RBFOX1: variants seen among roughly 807,000 people sequenced by gnomAD.
RBFOX1 encodes RNA binding protein fox-1 homolog 1.
RBFOX1 carries 8 observed loss-of-function variants against 57.7 expected under a neutral mutation model. That is an observed-to-expected ratio of 0.14 (90% confidence interval 0.08 to 0.25). The LOEUF (loss-of-function observed/expected upper bound fraction) is 0.25, where lower values mean the gene tolerates loss of function less well. Ranked by LOEUF, RBFOX1 falls within the 10% of genes least tolerant of loss-of-function variation. RBFOX1 has a pLI of 1.00. For missense variants in RBFOX1, 611 were observed against 548.5 expected, an observed-to-expected ratio of 1.11 and a Z score of -1.14; for synonymous variants, 326 against 222.4, an observed-to-expected ratio of 1.47 and a Z score of -4.15.
At chr16:6,127,613 C>G (rs1409442049) in intron 1 of RBFOX1, among the ~76,000 whole-genome samples, 4 of 152,160 alleles carry the variant, frequency 2.6e-5, no homozygotes, top group Non-Finnish European at 4.4e-5. Context: ...TCAAATAATT[C>G]TGTTCTCCAG....
At position 7,134,138 on chromosome 16, in the gene RBFOX1, A is replaced by C. The variant is rs113479453; in HGVS notation, c.27+82040A>C. Among the ~76,000 whole-genome samples the C allele has an allele frequency of 3.5e-3, 533 of 152,330 alleles. 4 individuals are homozygous for C. The highest frequency in any genetic ancestry group is 0.011 in the African/African-American group (472 of 41,580). The stretch of plus-strand genomic sequence containing the variant: ...CCTGCAAATACAATAGCGATCATAA[A>C]AACGGTGGTCAGCAGAGAGGGGTGT... On this transcript the variant is annotated intron_variant, in intron 4 of 15. Transcript: ENST00000550418.
chr16:5,331,473 G>C (rs1180318047), intron 1 of RBFOX1, among the ~76,000 whole-genome samples: 2 of 152,220 alleles, frequency 1.3e-5, no homozygotes, highest in Non-Finnish European at 2.9e-5. Flanking sequence ...TGGGTGGTTT[G>C]TTTTATGTCT....
chr16:6,114,159 T>A (rs967215254), intron 1 of RBFOX1, among the ~76,000 whole-genome samples: 1 of 152,242 alleles, frequency 6.6e-6, no homozygotes, highest in Non-Finnish European at 1.5e-5. Flanking sequence ...CAGAATGATC[T>A]GATTTTAGCA....
At chr16:7,105,968 C>G (rs1305622707) in intron 4 of RBFOX1, among the ~76,000 whole-genome samples, 2 of 152,126 alleles carry the variant, frequency 1.3e-5, no homozygotes, top group African/African-American at 4.8e-5. Flanking sequence ...TTTGTCTGTG[C>G]TAATGACAAC....
intron 4 of RBFOX1, among the ~76,000 whole-genome samples, chr16:7,425,349 C>A (rs948057307): frequency 2.0e-5 from 3 of 152,138 alleles, no homozygotes; most frequent in South Asian, 4.1e-4. Context: ...TTGACTTTTA[C>A]CTACGAGTTA....
At chr16:6,806,135 T>G (rs2086709446) in intron 3 of RBFOX1, among the ~76,000 whole-genome samples, 1 of 151,936 alleles carries the variant, frequency 6.6e-6, no homozygotes, top group African/African-American at 2.4e-5. Flanking sequence ...TGATTTAGAG[T>G]GGAATTAGTT....
intron 2 of RBFOX1, among the ~76,000 whole-genome samples, chr16:5,554,109 T>A (rs9936568): frequency 0.042 from 6,331 of 152,034 alleles, 453 homozygotes; most frequent in African/African-American, 0.14. Context: ...TAGCTGGGAT[T>A]AGAGGTGGCC....
chr16:5,856,604 T>TATATATATA (rs776623035), intron 3 of RBFOX1, among the ~76,000 whole-genome samples: 1 of 68,110 alleles, frequency 1.5e-5, no homozygotes, highest in African/African-American at 4.8e-5. Flanking sequence ...TATATATATA[T>TATATATATA]AATCTTAGCC....
intron 3 of RBFOX1, among the ~76,000 whole-genome samples, chr16:6,791,845 T>G (rs1335703878): frequency 6.6e-6 from 1 of 152,170 alleles, no homozygotes; most frequent in African/African-American, 2.4e-5. Context: ...GTGGTACTGG[T>G]TCAATACTTT....
At chr16:6,739,467 T>C (rs1177710395) in intron 3 of RBFOX1, among the ~76,000 whole-genome samples, 2 of 151,608 alleles carry the variant, frequency 1.3e-5, no homozygotes, top group East Asian at 1.9e-4. Flanking sequence ...GAATTCATAA[T>C]TTAACATCCC....
intron 3 of RBFOX1, among the ~76,000 whole-genome samples, chr16:6,879,688 C>T (rs778892393): frequency 5.9e-5 from 9 of 152,206 alleles, no homozygotes; most frequent in African/African-American, 1.2e-4. Flanking sequence ...TTGTACGTCT[C>T]TGTTTAATTG....
intron 1 of RBFOX1, among the ~76,000 whole-genome samples, chr16:6,104,130 G>A (rs1416961029): frequency 7.9e-6 from 1 of 126,436 alleles, no homozygotes; most frequent in Non-Finnish European, 1.8e-5. Flanking sequence ...TCTCCCAGTT[G>A]AAACACACAC....
intron 4 of RBFOX1, among the ~76,000 whole-genome samples, chr16:7,292,435 A>G (rs921497647): frequency 1.4e-5 from 2 of 143,260 alleles, no homozygotes; most frequent in Non-Finnish European, 3.0e-5. Context: ...GGTATTATAT[A>G]TAATATATAA....
intron 2 of RBFOX1, among the ~76,000 whole-genome samples, chr16:5,559,902 C>T (rs968521716): frequency 2.4e-5 from 3 of 123,414 alleles, no homozygotes; most frequent in African/African-American, 8.4e-5. Context: ...ATCCTGAGAT[C>T]CTTTATTCTT....
intron 2 of RBFOX1, among the ~76,000 whole-genome samples, chr16:5,526,371 C>G (rs1043304458): frequency 1.3e-5 from 2 of 152,152 alleles, no homozygotes; most frequent in East Asian, 3.9e-4. Context: ...TCACTGCAAC[C>G]CCTGCCTCCC....
intron 5 of RBFOX1, among the ~76,000 whole-genome samples, chr16:7,539,814 T>A (rs962374104): frequency 4.6e-5 from 7 of 152,160 alleles, no homozygotes; most frequent in Admixed American, 1.3e-4. Flanking sequence ...GGAGTCATTA[T>A]CAGAATGGTA....
chr16:6,568,781 A>AT (rs1198506429), intron 2 of RBFOX1, among the ~76,000 whole-genome samples: 4 of 151,582 alleles, frequency 2.6e-5, no homozygotes, highest in Non-Finnish European at 5.9e-5. Flanking sequence ...TTTTTTTATT[A>AT]TTTTTTGAGA....
chr16:7,437,212 C>T (rs1277572738), intron 4 of RBFOX1, among the ~76,000 whole-genome samples: 2 of 151,878 alleles, frequency 1.3e-5, no homozygotes, highest in East Asian at 2.0e-4. Context: ...CACAAACAAA[C>T]ATACTATCCT....
intron 4 of RBFOX1, among the ~76,000 whole-genome samples, chr16:7,311,055 A>G (rs1284328747): frequency 2.0e-5 from 3 of 152,180 alleles, no homozygotes; most frequent in African/African-American, 4.8e-5. Flanking sequence ...GGGCAAGGCT[A>G]GAGTTAAGTT....
Sources: gnomAD v4.1 joint callset for allele counts (sites outside exome capture counted in the v4.1 genomes callset) on GRCh38, gnomAD v4.1.1 for gene constraint, MANE v1.5 for transcripts, NCBI Gene and HGNC (gene_info 2026-07-23, HGNC 2026-07-21) for gene names.